Variants in NPL observed in about 807,000 individuals in gnomAD.
NPL encodes N-acetylneuraminate pyruvate lyase.
In NPL, 32 loss-of-function variants were observed where a neutral mutation model predicts 41.1. That is an observed-to-expected ratio of 0.78 (90% CI 0.59 to 1.05). The LOEUF (loss-of-function observed/expected upper bound fraction) is 1.05. Among genes scored for constraint, NPL ranks in the 50% least tolerant of loss-of-function variants. The pLI, the probability that NPL is intolerant of heterozygous loss-of-function variation, is 0.00. For missense variants in NPL, 321 were observed against 378.4 expected (o/e 0.85, Z 1.26); for synonymous variants, 128 against 134.9 (o/e 0.95, Z 0.35).
intron 3 of NPL, among the ~76,000 whole-genome samples, chr1:182,800,111 C>G (rs1368368038): frequency 1.3e-5 from 2 of 152,004 alleles, no homozygotes; most frequent in African/African-American, 4.8e-5. Context: ...GAAAATAGAC[C>G]TAGGTACCAT....
chr1:182,826,085 C>G, intron 12 of NPL: 2 of 546,348 alleles, frequency 3.7e-6, no homozygotes, highest in East Asian at 3.1e-5. Context: ...CACTCCCTCC[C>G]TTTACTTGCT....
chr1:182,808,430 T>C (rs56194375), intron 5 of NPL, among the ~76,000 whole-genome samples: 46,266 of 152,098 alleles, frequency 0.3, 9,216 homozygotes, highest in Non-Finnish European at 0.44. Flanking sequence ...GAAGCCAGAC[T>C]GCAGTTGAGT....
chr1:182,808,231 G>A (rs6704003), intron 5 of NPL, among the ~76,000 whole-genome samples: 22,888 of 152,204 alleles, frequency 0.15, 2,545 homozygotes, highest in African/African-American at 0.31. Context: ...ACACATTCAC[G>A]CTAATGTAAG....
intron 10 of NPL, 125 bp from the exon 11 acceptor site, chr1:182,821,990 G>A: frequency 1.4e-6 from 1 of 726,730 alleles, no homozygotes; most frequent in South Asian, 1.5e-5. Context: ...AATAGATTAG[G>A]ATTCAAAAAC....
intron 6 of NPL, among the ~76,000 whole-genome samples, chr1:182,813,700 A>G (rs1488376312): frequency 6.6e-5 from 10 of 152,202 alleles, no homozygotes; most frequent in Admixed American, 6.5e-4. Context: ...CTCCTGGTAT[A>G]GGGGTAGTCT....
chr1:182,803,435 C>T (rs989260229), intron 3 of NPL, among the ~76,000 whole-genome samples: 1 of 152,170 alleles, frequency 6.6e-6, no homozygotes, highest in Non-Finnish European at 1.5e-5. Flanking sequence ...TACTGCTTGT[C>T]ATGAGGTGTA....
intron 6 of NPL, among the ~76,000 whole-genome samples, chr1:182,814,161 G>A (rs919688928): frequency 3.9e-5 from 6 of 152,122 alleles, no homozygotes; most frequent in Non-Finnish European, 8.8e-5. Context: ...CTGCCCTGAG[G>A]GACTTACACT....
At chr1:182,808,309 A>G (rs1450416736) in intron 5 of NPL, among the ~76,000 whole-genome samples, 2 of 152,214 alleles carry the variant, frequency 1.3e-5, no homozygotes, top group African/African-American at 4.8e-5. Flanking sequence ...AATAACTATT[A>G]GATGCCATGA....
At chr1:182,794,476 C>A in intron 3 of NPL, 37 bp downstream of exon 3, 1 of 1,591,464 alleles carries the variant, frequency 6.3e-7, no homozygotes, top group Non-Finnish European at 8.6e-7. Flanking sequence ...GATCAGTTCT[C>A]ATTCAACCAA....
At chr1:182,803,626 A>T in intron 3 of NPL, 72 bp from the exon 4 acceptor site, 1 of 1,014,400 alleles carries the variant, frequency 9.9e-7, no homozygotes, top group Non-Finnish European at 1.6e-6. Context: ...GGAGCAGTTT[A>T]TATACCTGAG....
intron 7 of NPL, among the ~76,000 whole-genome samples, chr1:182,816,082 G>A (rs1667322747): frequency 6.6e-6 from 1 of 152,190 alleles, no homozygotes; most frequent in Non-Finnish European, 1.5e-5. Flanking sequence ...ATCCAAAGCA[G>A]GAGGAGTGCT....
rs953136340 is a variant in NPL at position 182,828,839 on chromosome 1, T to G, written c.894T>G (p.Ala298=). The change falls in exon 13 of 13, where the codon GCT becomes GCG. Residue 298 remains alanine, a synonymous_variant. Coordinates refer to ENST00000367553, the MANE Select transcript of NPL (RefSeq NM_030769.3). This position sits in a 1 kb window ranked among gnomAD's most constrained non-coding sequence, Gnocchi z 4.0. ...GGGAGTTTACTGATAGTGCTGAAGC[T>G]AAACTGAAGAGCCTGGATTTCCTTT... The part of the protein sequence containing the change: ...ASREFTDSAE[A]KLKSLDFLSF... The G allele has an allele frequency of 1.1e-5, 17 of 1,614,110 alleles. No homozygotes were observed. Among genetic ancestry groups the G allele is most frequent in the Middle Eastern group, 1.6e-4 (1 of 6,084 alleles).
chr1:182,811,481 A>G (rs1179273523), intron 5 of NPL, among the ~76,000 whole-genome samples: 1 of 152,070 alleles, frequency 6.6e-6, no homozygotes, highest in Non-Finnish European at 1.5e-5. Flanking sequence ...TGCCCACCTC[A>G]GCCTCCCAAA....
chr1:182,805,775 C>T (rs1363024474), intron 4 of NPL, among the ~76,000 whole-genome samples: 1 of 152,140 alleles, frequency 6.6e-6, no homozygotes, highest in Non-Finnish European at 1.5e-5. Context: ...GAGTAACTCC[C>T]ACTTATTTGA....
chr1:182,825,694 T>A, intron 11 of NPL, 87 bp from the exon 12 acceptor site: 1 of 944,724 alleles, frequency 1.1e-6, no homozygotes, highest in East Asian at 2.4e-5. Flanking sequence ...GCAGACTTTT[T>A]AGGGTTTCTG....
intron 3 of NPL, among the ~76,000 whole-genome samples, chr1:182,801,210 GC>G (rs2102535507): frequency 6.6e-6 from 1 of 152,284 alleles, no homozygotes; most frequent in African/African-American, 2.4e-5. Context: ...GATGACCACT[GC>G]CCCCAAAATT....
Position 182,815,000 on chromosome 1 carries a change from A to C in NPL, c.364+142A>C. 4 of 686,004 alleles carry C rather than the reference A, an allele frequency of 5.8e-6. No individual in the cohort carries two copies. In the East Asian group the frequency reaches 1.1e-4, roughly 19 times the overall value. 42.5% of individuals were successfully genotyped at this position (686,004 alleles called of 1,614,324 possible). A position where few individuals can be genotyped will look rare whatever the true frequency, so the allele number is the denominator to read the frequency against. On this transcript the variant is annotated intron_variant, in intron 7 of 12. Transcript: ENST00000367553. ...TCGCAATGGTACAGTGGTTCTCTGA[A>C]ATATTTGCTCTCCCTGGATCCATAA...
At position 182,828,685 on chromosome 1, in the gene NPL, G is replaced by T; in HGVS notation, c.779-39G>T. 6.2e-7 allele frequency: 1 copy of T among 1,613,670 alleles called. No homozygotes were observed. Among genetic ancestry groups the T allele is most frequent in the South Asian group, 1.1e-5 (1 of 91,012 alleles). On this transcript the variant is annotated intron_variant, in intron 12 of 12. Transcript: ENST00000367553. The surrounding 1 kb of genome is among the most constrained non-coding windows in gnomAD (Gnocchi z 4.0). ...TTGGGATTTTTGTGGAGAGATAGACGGTACCAGTCATGTTTCCTCATTTGT... is the reference window on the plus strand; with the variant it reads ...TTGGGATTTTTGTGGAGAGATAGACTGTACCAGTCATGTTTCCTCATTTGT...
At chr1:182,801,653 C>T (rs1394401840) in intron 3 of NPL, among the ~76,000 whole-genome samples, 1 of 152,038 alleles carries the variant, frequency 6.6e-6, no homozygotes, top group Non-Finnish European at 1.5e-5. Flanking sequence ...AGTTCGAGAC[C>T]AGTCTGGGCA....
Sources: allele counts gnomAD v4.1 joint callset (sites outside exome capture counted in the v4.1 genomes callset), GRCh38; gene constraint gnomAD v4.1.1; non-coding constraint Gnocchi (gnomAD v3.1); transcripts MANE v1.5; gene names NCBI Gene and HGNC (gene_info 2026-07-23, HGNC 2026-07-21).